The following LRP1B variants were observed in gnomAD, a reference collection of about 807,000 sequenced individuals.
LRP1B encodes low-density lipoprotein receptor-related protein 1B.
A neutral mutation model predicts 556.6 loss-of-function variants in LRP1B; 217 were observed. The observed-to-expected ratio is 0.39, with a 90% CI of 0.35 to 0.44. LRP1B has a LOEUF of 0.44. Ranked by LOEUF, LRP1B falls within the 20% of genes least tolerant of loss-of-function variation. LRP1B has a pLI of 1.00. For synonymous variants in LRP1B, 2,047 were observed against 1,865.8 expected (o/e 1.10, Z -2.50); for missense variants, 5,053 against 5,620.8 (o/e 0.90, Z 3.23).
intron 3 of LRP1B, among the ~76,000 whole-genome samples, chr2:141,346,409 C>T (rs577597678): frequency 6.6e-6 from 1 of 152,116 alleles, no homozygotes; most frequent in Non-Finnish European, 1.5e-5. Context: ...TTTAGATCCT[C>T]TCCTGGGCAG....
At chr2:141,816,962 T>A (rs577204294) in intron 1 of LRP1B, among the ~76,000 whole-genome samples, 2 of 152,314 alleles carry the variant, frequency 1.3e-5, no homozygotes, top group East Asian at 3.9e-4. Context: ...GCCTGCTATA[T>A]AAACCACCTA....
chr2:141,502,454 T>C (rs1473830831), intron 2 of LRP1B, among the ~76,000 whole-genome samples: 1 of 152,162 alleles, frequency 6.6e-6, no homozygotes, highest in Non-Finnish European at 1.5e-5. Flanking sequence ...CTAACAAAAT[T>C]ACTTGATTTA....
At chr2:140,326,167 T>C (rs1273846535) in intron 79 of LRP1B, among the ~76,000 whole-genome samples, 1 of 152,176 alleles carries the variant, frequency 6.6e-6, no homozygotes, top group Non-Finnish European at 1.5e-5. Flanking sequence ...TTGTGGTTTC[T>C]TAATTTTAGC....
intron 41 of LRP1B, among the ~76,000 whole-genome samples, chr2:140,695,542 AT>A (rs759193753): frequency 2.0e-5 from 3 of 152,050 alleles, no homozygotes; most frequent in Non-Finnish European, 2.9e-5. Context: ...TGTTTCAGTC[AT>A]TTTCTCTGCT....
chr2:140,444,781 C>T, intron 63 of LRP1B, 102 bp from the exon 64 acceptor site: 1 of 715,710 alleles, frequency 1.4e-6, no homozygotes, highest in South Asian at 1.8e-5. Flanking sequence ...ATAAATATAT[C>T]CTGGAATACA....
intron 84 of LRP1B, among the ~76,000 whole-genome samples, chr2:140,283,240 A>G (rs1306861979): frequency 2.6e-5 from 4 of 151,534 alleles, no homozygotes; most frequent in African/African-American, 9.7e-5. Context: ...ATTGGGATTT[A>G]TCCTTTTTTA....
At chr2:140,528,853 T>C (rs1574044501) in intron 47 of LRP1B, among the ~76,000 whole-genome samples, 1 of 152,074 alleles carries the variant, frequency 6.6e-6, no homozygotes, top group East Asian at 1.9e-4. Context: ...TCTTTCTCTC[T>C]GTTGCTTCAA....
At chr2:141,657,023 C>T (rs982207080) in intron 2 of LRP1B, among the ~76,000 whole-genome samples, 1 of 152,014 alleles carries the variant, frequency 6.6e-6, no homozygotes, top group Non-Finnish European at 1.5e-5. Context: ...TTTGGAACAA[C>T]AAACTTAAAG....
At chr2:140,604,949 G>C (rs192098447) in intron 41 of LRP1B, among the ~76,000 whole-genome samples, 1 of 152,072 alleles carries the variant, frequency 6.6e-6, no homozygotes, top group African/African-American at 2.4e-5. Flanking sequence ...CACCATGATC[G>C]TGAGGCCTCC....
intron 3 of LRP1B, among the ~76,000 whole-genome samples, chr2:141,396,610 C>T (rs1690244876): frequency 6.6e-6 from 1 of 151,740 alleles, no homozygotes; most frequent in Non-Finnish European, 1.5e-5. Context: ...TTTTCAAGAA[C>T]AAAATTTCAG....
At position 140,536,694 on chromosome 2, in the gene LRP1B, C is replaced by T. The variant is rs2105004067; in HGVS notation, c.7529G>A (p.Cys2510Tyr). The T allele has an allele frequency of 6.3e-7, 1 of 1,586,948 alleles. No individual in the cohort carries two copies. ...DNRCVTKNSSCNAYSEFECGN... is the reference protein window; with the variant it reads ...DNRCVTKNSSYNAYSEFECGN... Reference sequence around the variant, plus strand: ...ACATTCAAACTCCGAATAAGCGTTGCAGGAGGAATTTTTAGCTGCAAGAAA... The same window carrying T: ...ACATTCAAACTCCGAATAAGCGTTGTAGGAGGAATTTTTAGCTGCAAGAAA... Residue 2510 changes from cysteine to tyrosine, a missense_variant, in exon 46 of 91, where the codon TGC becomes TAC. Around this residue, in one of 5 missense-constraint regions of LRP1B, gnomAD observed 3,619 missense variants for 3,931.9 expected, o/e 0.92. Transcript: ENST00000389484.
rs537720669 is a variant in LRP1B at position 141,606,993 on chromosome 2, C to T, written c.206-126460G>A. The stretch of plus-strand genomic sequence containing the variant: ...CCTTATCCCTTTCCTCCCTCCCTCC[C>T]TTCCTTCCTTTCTTGTTTTTCTTCC... On this transcript the variant is annotated intron_variant, in intron 2 of 90. Transcript: ENST00000389484. Among the ~76,000 whole-genome samples the T allele has an allele frequency of 8.4e-4, 128 of 152,054 alleles. 2 individuals are homozygous for T. Among genetic ancestry groups the T allele is most frequent in the African/African-American group, 2.9e-3 (122 of 41,496 alleles).
chr2:140,541,852 A>C lies in LRP1B; in HGVS notation c.7314T>G (p.Asp2438Glu). The C allele has an allele frequency of 6.2e-7, 1 of 1,612,904 alleles. No homozygotes were observed. Among genetic ancestry groups the C allele is most frequent in the Non-Finnish European group, 8.5e-7 (1 of 1,179,188 alleles). The change falls in exon 44 of 91, where the codon GAT (aspartate) becomes GAG (glutamate). Residue 2438 changes from aspartate to glutamate, a missense_variant. Around this residue, in one of 5 missense-constraint regions of LRP1B, gnomAD observed 3,619 missense variants for 3,931.9 expected, o/e 0.92. Coordinates refer to ENST00000389484, the MANE Select transcript of LRP1B (RefSeq NM_018557.3). Reference sequence around the variant, plus strand: ...GAATATCGGAACGAAGAATTTTTGTATCTCCTCCTGTGTACTTGTTGGACC... The same window carrying C: ...GAATATCGGAACGAAGAATTTTTGTCTCTCCTCCTGTGTACTTGTTGGACC... ...ILRSNKYTGGDTKILRSDIPH... is the reference protein window; with the variant it reads ...ILRSNKYTGGETKILRSDIPH...
chr2:141,830,135 T>C (rs373727617), intron 1 of LRP1B, among the ~76,000 whole-genome samples: 4 of 152,016 alleles, frequency 2.6e-5, no homozygotes, highest in Admixed American at 6.6e-5. Flanking sequence ...ATATGCTTAA[T>C]TGATATCATA....
At chr2:140,259,927 A>C (rs533223676) in intron 86 of LRP1B, among the ~76,000 whole-genome samples, 33 of 152,014 alleles carry the variant, frequency 2.2e-4, no homozygotes, top group Middle Eastern at 3.4e-3. Context: ...CCCTGCCCCC[A>C]CACACACAGA....
At chr2:140,524,047 G>A (rs1329111712) in intron 49 of LRP1B, among the ~76,000 whole-genome samples, 1 of 151,586 alleles carries the variant, frequency 6.6e-6, no homozygotes, top group Non-Finnish European at 1.5e-5. Flanking sequence ...GGTACCCTGG[G>A]AGAAAATATT....
chr2:141,993,742 T>C (rs577925701), intron 1 of LRP1B, among the ~76,000 whole-genome samples: 35 of 152,314 alleles, frequency 2.3e-4, no homozygotes, highest in African/African-American at 8.4e-4. Context: ...AAAATCAGTT[T>C]ATATTTCCTT....
chr2:140,723,866 T>C (rs1687499764), intron 35 of LRP1B, among the ~76,000 whole-genome samples: 1 of 152,198 alleles, frequency 6.6e-6, no homozygotes, highest in African/African-American at 2.4e-5. Flanking sequence ...AAGATGAGTC[T>C]CATTACAAAC....
chr2:141,084,081 A>G lies in LRP1B; in HGVS notation c.1014-21808T>C, dbSNP rs144750856. Among the ~76,000 whole-genome samples, 926 of 152,344 alleles carry G rather than the reference A, an allele frequency of 6.1e-3. 13 individuals are homozygous for G. The highest frequency in any genetic ancestry group is 0.021 in the African/African-American group (873 of 41,570). ...TTTATACGGTTGGTGTGAGGATTAA[A>G]CAAGTAAATAGATAAGCAGTTCTTA... On this transcript the variant is annotated intron_variant, in intron 7 of 90. Coordinates refer to ENST00000389484, the MANE Select transcript of LRP1B (RefSeq NM_018557.3).
Sources: allele counts gnomAD v4.1 joint callset (sites outside exome capture counted in the v4.1 genomes callset), GRCh38; gene constraint gnomAD v4.1.1; regional missense constraint gnomAD v4.1.1; transcripts MANE v1.5; gene names NCBI Gene and HGNC (gene_info 2026-07-23, HGNC 2026-07-21).